The following SAE1 variants were observed in gnomAD, a reference collection of about 807,000 sequenced individuals.
SAE1 encodes the protein SUMO1 activating enzyme subunit 1, also known as SUMO-activating enzyme subunit 1.
Under a neutral mutation model 40.6 loss-of-function variants are expected in SAE1, and 11 were observed. The ratio of observed to expected loss-of-function variants is 0.27; its 90% CI spans 0.17 to 0.45. The LOEUF is 0.45. Ranked by LOEUF, SAE1 falls within the 20% of genes least tolerant of loss-of-function variation. SAE1 has a pLI of 1.00. For missense variants in SAE1, 373 were observed against 427.3 expected (o/e 0.87, Z 1.12); for synonymous variants, 155 against 154.3 (o/e 1.00, Z -0.03).
intron 6 of SAE1, among the ~76,000 whole-genome samples, chr19:47,176,614 G>T (rs1421136919): frequency 1.3e-5 from 2 of 152,192 alleles, no homozygotes; most frequent in Non-Finnish European, 2.9e-5. Flanking sequence ...TCAGGCTTTT[G>T]ATTCCAATGT....
Position 47,169,895 on chromosome 19 carries a change from C to T in SAE1, c.705C>T (p.Arg235=), listed in dbSNP as rs1253991569. ...SSEKAKAALK[R]TTSDYFLLQV... is the part of the protein sequence containing the mutation. ...AGAAAGCAAAGGCTGCTCTGAAGCG[C>T]ACGACCTCCGACTACTTTCTCCTTC... Residue 235 remains arginine (R), a synonymous_variant, in exon 6 of 9, where the codon CGC becomes CGT. Coordinates refer to ENST00000270225, the MANE Select transcript of SAE1 (RefSeq NM_005500.3). 2 of 1,613,946 alleles carry T rather than the reference C, an allele frequency of 1.2e-6. No homozygotes were observed. The highest frequency in any genetic ancestry group is 1.7e-5 in the Admixed American group (1 of 59,998).
intron 5 of SAE1, among the ~76,000 whole-genome samples, chr19:47,165,364 A>G (rs936600924): frequency 6.6e-6 from 1 of 152,160 alleles, no homozygotes; most frequent in African/African-American, 2.4e-5. Context: ...TGCTGGGATT[A>G]TAGGTGTGAG....
Position 47,148,740 on chromosome 19 carries a change from G to A in SAE1, c.211-1462G>A, listed in dbSNP as rs569952825. Reference sequence around the variant, plus strand: ...AGCGATTCTCCTGCCTCAGCCTCCCGAGTAGCTGGAATTACAGGCGTGTGC... The same window carrying A: ...AGCGATTCTCCTGCCTCAGCCTCCCAAGTAGCTGGAATTACAGGCGTGTGC... On this transcript the variant is annotated intron_variant, in intron 2 of 8. Coordinates refer to ENST00000270225, the MANE Select transcript of SAE1 (RefSeq NM_005500.3). 7.9e-5 allele frequency among the ~76,000 whole-genome samples: 12 copies of A among 151,232 alleles called. No individual in the cohort carries two copies. The South Asian group carries it at 8.4e-4, about 11-fold the overall frequency.
rs918563684 is a variant in SAE1 at position 47,203,821 on chromosome 19, A to G, written c.948+81A>G. On this transcript the variant is annotated intron_variant, in intron 8 of 8. Coordinates refer to ENST00000270225, the MANE Select transcript of SAE1 (RefSeq NM_005500.3). Reference sequence around the variant, plus strand: ...ACAGAGAGAATGGAAACTGTCTTAGACAGCTGCCTGCTTTCTCTCACCCCA... The same window carrying G: ...ACAGAGAGAATGGAAACTGTCTTAGGCAGCTGCCTGCTTTCTCTCACCCCA... 10 of 1,239,352 alleles carry G rather than the reference A, an allele frequency of 8.1e-6. No homozygotes were observed. The Admixed American group carries it at 1.4e-4, about 17-fold the overall frequency. The allele number at this position is 1,239,352 out of a possible 1,614,324, so 76.8% of individuals were successfully genotyped here.
chr19:47,201,196 G>A (rs1390778453), intron 7 of SAE1, among the ~76,000 whole-genome samples: 5 of 151,414 alleles, frequency 3.3e-5, no homozygotes, highest in African/African-American at 7.3e-5. Context: ...CTACAGGCGC[G>A]TGCCACCACG....
intron 5 of SAE1, among the ~76,000 whole-genome samples, chr19:47,164,324 A>G (rs1323481097): frequency 6.6e-6 from 1 of 151,730 alleles, no homozygotes; most frequent in African/African-American, 2.4e-5. Flanking sequence ...ACCCGCCACC[A>G]CACCCGGCTA....
chr19:47,170,317 C>T (rs1243089214), intron 6 of SAE1, among the ~76,000 whole-genome samples: 3 of 151,182 alleles, frequency 2.0e-5, no homozygotes, highest in East Asian at 1.9e-4. Flanking sequence ...TGGGTTGAAG[C>T]GATTCTGGTG....
At chr19:47,150,761 C>T (rs988705287) in intron 3 of SAE1, among the ~76,000 whole-genome samples, 4 of 152,152 alleles carry the variant, frequency 2.6e-5, no homozygotes, top group African/African-American at 4.8e-5. Flanking sequence ...TCTGTGGCAG[C>T]GGCATTTTTT....
chr19:47,152,915 C>T lies in SAE1; in HGVS notation c.402C>T (p.Cys134=), dbSNP rs1362619529. Residue 134 remains cysteine, a synonymous_variant, in exon 4 of 9, where the codon TGC becomes TGT. Transcript: ENST00000270225. The part of the protein sequence containing the change: ...TQFDAVCLTC[C]SRDVIVKVDQ... The stretch of plus-strand genomic sequence containing the variant: ...TTCTGCAGGTGTGTCTGACTTGCTG[C>T]TCCAGGGATGTCATAGTTAAAGTTG... 7.4e-6 allele frequency: 12 copies of T among 1,611,860 alleles called. No individual in the cohort carries two copies. The Admixed American group carries it at 1.2e-4, about 16-fold the overall frequency.
At chr19:47,203,584 A>G in intron 7 of SAE1, 87 bp from the exon 8 acceptor site, 1 of 1,206,362 alleles carries the variant, frequency 8.3e-7, no homozygotes, top group Non-Finnish European at 1.2e-6. Context: ...GTTTTTATTC[A>G]GGAGAGCCTA....
chr19:47,176,949 A>G (rs888917616), intron 6 of SAE1, among the ~76,000 whole-genome samples: 1 of 152,224 alleles, frequency 6.6e-6, no homozygotes, highest in Non-Finnish European at 1.5e-5. Context: ...TTATCATAAC[A>G]GGAGTGCTAA....
chr19:47,153,332 G>A (rs1162430960), intron 4 of SAE1, among the ~76,000 whole-genome samples: 1 of 152,140 alleles, frequency 6.6e-6, no homozygotes, highest in Non-Finnish European at 1.5e-5. Flanking sequence ...GTCTACCTTG[G>A]AAAAGGTGTC....
At chr19:47,174,125 C>T (rs2058453230) in intron 6 of SAE1, among the ~76,000 whole-genome samples, 1 of 151,988 alleles carries the variant, frequency 6.6e-6, no homozygotes, top group Non-Finnish European at 1.5e-5. Flanking sequence ...ATTATGGCAA[C>T]AGTCTCATGA....
chr19:47,207,599 G>A (rs1241612371), intron 8 of SAE1, among the ~76,000 whole-genome samples: 6 of 151,910 alleles, frequency 3.9e-5, no homozygotes, highest in Admixed American at 1.3e-4. Context: ...ATGTTGTTTC[G>A]GGGGCTGACC....
At chr19:47,157,762 G>C (rs182413009) in intron 5 of SAE1, among the ~76,000 whole-genome samples, 11 of 152,310 alleles carry the variant, frequency 7.2e-5, no homozygotes, top group Non-Finnish European at 1.3e-4. Context: ...TTGTTAGTCA[G>C]CTGTTACACT....
At chr19:47,186,776 G>C (rs896885293) in intron 6 of SAE1, among the ~76,000 whole-genome samples, 18 of 152,186 alleles carry the variant, frequency 1.2e-4, no homozygotes, top group Admixed American at 5.9e-4. Context: ...TCATTGCAAA[G>C]ACGAAAGCGT....
At chr19:47,136,214 G>A (rs182841266) in intron 1 of SAE1, among the ~76,000 whole-genome samples, 7 of 148,112 alleles carry the variant, frequency 4.7e-5, no homozygotes, top group East Asian at 2.0e-4. Flanking sequence ...TCTCAGCCCA[G>A]TACAATCTCC....
chr19:47,155,276 G>C (rs565790333), intron 5 of SAE1, 63 bp downstream of exon 5: 4 of 1,117,934 alleles, frequency 3.6e-6, no homozygotes, highest in Non-Finnish European at 5.4e-6. Flanking sequence ...AGGCAATGAC[G>C]ATTGAAAAGG....
rs1055639448 is a variant in SAE1 at position 47,195,045 on chromosome 19, C to T, written c.734-2188C>T. ...GACGTTACAGACGTGAGCCACCACA[C>T]CTGGCCAGTCTTTTTTTTTTTTTTT... On this transcript the variant is annotated intron_variant, in intron 6 of 8. Coordinates refer to ENST00000270225, the MANE Select transcript of SAE1 (RefSeq NM_005500.3). Among the ~76,000 whole-genome samples, 53 of 150,554 alleles carry T rather than the reference C, an allele frequency of 3.5e-4. 1 individual carries two copies. Among genetic ancestry groups the T allele is most frequent in the African/African-American group, 1.3e-3 (53 of 40,980 alleles).
Sources: gnomAD v4.1 joint callset for allele counts (sites outside exome capture counted in the v4.1 genomes callset) on GRCh38, gnomAD v4.1.1 for gene constraint, MANE v1.5 for transcripts, NCBI Gene and HGNC (gene_info 2026-07-23, HGNC 2026-07-21) for gene names.